The following FOXP1 variants were observed in gnomAD, a reference collection of about 807,000 sequenced individuals.
FOXP1 encodes forkhead box protein P1.
In FOXP1, 15 loss-of-function variants were observed where a neutral mutation model predicts 98.2. The ratio of observed to expected loss-of-function variants is 0.15; its 90% CI spans 0.10 to 0.24. The LOEUF (loss-of-function observed/expected upper bound fraction) is 0.24. Ranked by LOEUF, FOXP1 falls within the 10% of genes least tolerant of loss-of-function variation. The probability of loss-of-function intolerance (pLI) is 1.00; values close to 1 mark genes in which losing one functional copy is unlikely to be tolerated. For missense variants in FOXP1, 633 were observed against 848.5 expected (o/e 0.75, Z 3.15); for synonymous variants, 371 against 314.5 (o/e 1.18, Z -1.90).
At chr3:71,578,134 C>G (rs1016181359) in intron 2 of FOXP1, among the ~76,000 whole-genome samples, 1 of 151,944 alleles carries the variant, frequency 6.6e-6, no homozygotes, top group Non-Finnish European at 1.5e-5. Context: ...CTCTGGAAAC[C>G]CTTTCTCGGT....
intron 2 of FOXP1, among the ~76,000 whole-genome samples, chr3:71,521,873 A>T (rs1215327338): frequency 2.6e-5 from 4 of 152,126 alleles, no homozygotes; most frequent in Non-Finnish European, 5.9e-5. Flanking sequence ...CTGCTCATGG[A>T]AAGGCGCATT....
chr3:71,297,280 T>A (rs2073397354), intron 5 of FOXP1, among the ~76,000 whole-genome samples: 1 of 152,180 alleles, frequency 6.6e-6, no homozygotes, highest in Admixed American at 6.5e-5. Context: ...TAATATAGAC[T>A]ATTTTTCTCA....
chr3:71,582,528 C>T, intron 1 of FOXP1: 2 of 985,456 alleles, frequency 2.0e-6, no homozygotes, highest in South Asian at 4.7e-5. Context: ...GCCGCCAGGA[C>T]AGGGCCGGAG....
chr3:71,467,060 C>T (rs935696520), intron 3 of FOXP1, among the ~76,000 whole-genome samples: 1 of 152,078 alleles, frequency 6.6e-6, no homozygotes, highest in African/African-American at 2.4e-5. Context: ...GGTACTTGGG[C>T]TTTGGGCACC....
chr3:71,369,882 G>T (rs2079176969), intron 3 of FOXP1, among the ~76,000 whole-genome samples: 1 of 152,168 alleles, frequency 6.6e-6, no homozygotes, highest in Non-Finnish European at 1.5e-5. Flanking sequence ...TGAGACAAAT[G>T]AGGTTTAAGA....
chr3:71,240,153 G>C (rs2067129085), intron 5 of FOXP1, among the ~76,000 whole-genome samples: 1 of 152,224 alleles, frequency 6.6e-6, no homozygotes, highest in Non-Finnish European at 1.5e-5. Flanking sequence ...GAGTCAAACA[G>C]CTTGAACTAT....
At chr3:71,263,788 C>G (rs2568833) in intron 5 of FOXP1, among the ~76,000 whole-genome samples, 44,097 of 151,618 alleles carry the variant, frequency 0.29, 7,026 homozygotes, top group East Asian at 0.55. Flanking sequence ...CTGTCACCCA[C>G]GCTGGAGTGC....
chr3:70,979,316 A>AAAAAAAAAAAAGAAAAG (rs1553670621), intron 14 of FOXP1, among the ~76,000 whole-genome samples: 1 of 96,514 alleles, frequency 1.0e-5, no homozygotes, highest in African/African-American at 4.3e-5. Context: ...AAAAAAAAAA[A>AAAAAAAAAAAAGAAAAG]AAAAGAAAAA....
At chr3:71,067,871 G>A (rs1426393490) in intron 7 of FOXP1, among the ~76,000 whole-genome samples, 1 of 150,732 alleles carries the variant, frequency 6.6e-6, no homozygotes, top group Non-Finnish European at 1.5e-5. Flanking sequence ...AGCTGTGATC[G>A]CACCACTGCA....
chr3:71,258,031 A>G (rs1380443034), intron 5 of FOXP1, among the ~76,000 whole-genome samples: 4 of 152,180 alleles, frequency 2.6e-5, no homozygotes, highest in African/African-American at 9.7e-5. Flanking sequence ...TACTGCGCTT[A>G]ATAACATCCA....
chr3:71,432,282 T>C (rs1478603054), intron 3 of FOXP1, among the ~76,000 whole-genome samples: 4 of 152,102 alleles, frequency 2.6e-5, no homozygotes, highest in African/African-American at 7.2e-5. Flanking sequence ...ACGCAGAATA[T>C]TCCCTTTTGC....
chr3:71,159,849 A>C (rs918516331), intron 6 of FOXP1, among the ~76,000 whole-genome samples: 4 of 152,230 alleles, frequency 2.6e-5, no homozygotes, highest in Non-Finnish European at 5.9e-5. Flanking sequence ...TTTTTATGAC[A>C]ATAAACATAA....
At chr3:71,234,914 C>T (rs980491746) in intron 5 of FOXP1, among the ~76,000 whole-genome samples, 1 of 152,178 alleles carries the variant, frequency 6.6e-6, no homozygotes, top group South Asian at 2.1e-4. Context: ...AAGCACTTAA[C>T]AAGTAAGTGG....
At chr3:71,045,424 T>C (rs2048890928) in intron 10 of FOXP1, among the ~76,000 whole-genome samples, 1 of 152,118 alleles carries the variant, frequency 6.6e-6, no homozygotes, top group Admixed American at 6.6e-5. Flanking sequence ...ATGAGAGAGG[T>C]TGGAGCTCAA....
intron 5 of FOXP1, among the ~76,000 whole-genome samples, chr3:71,253,078 G>C (rs1334410284): frequency 6.6e-6 from 1 of 152,228 alleles, no homozygotes; most frequent in African/African-American, 2.4e-5. Flanking sequence ...GGCCAAGTGG[G>C]GCATGGCCTG....
At chr3:71,260,570 T>C (rs1475891465) in intron 5 of FOXP1, among the ~76,000 whole-genome samples, 2 of 150,816 alleles carry the variant, frequency 1.3e-5, no homozygotes, top group East Asian at 1.9e-4. Context: ...AGGATTTTTG[T>C]TTTTCTCTGT....
intron 2 of FOXP1, among the ~76,000 whole-genome samples, chr3:71,546,049 C>T (rs1351288538): frequency 6.6e-6 from 1 of 152,130 alleles, no homozygotes; most frequent in African/African-American, 2.4e-5. Context: ...TGCACTTGAC[C>T]CTTGTTCCAT....
intron 5 of FOXP1, among the ~76,000 whole-genome samples, chr3:71,246,714 C>T (rs1021310859): frequency 1.3e-5 from 2 of 152,144 alleles, no homozygotes; most frequent in Non-Finnish European, 2.9e-5. Flanking sequence ...ATAAATCACA[C>T]GAAACAAGTA....
intron 3 of FOXP1, among the ~76,000 whole-genome samples, chr3:71,480,562 A>G (rs947220816): frequency 1.3e-5 from 2 of 152,240 alleles, no homozygotes; most frequent in Admixed American, 6.5e-5. Context: ...AAATGTGGAC[A>G]CATCAATAAA....
Sources: gnomAD v4.1 joint callset for allele counts (sites outside exome capture counted in the v4.1 genomes callset) on GRCh38, gnomAD v4.1.1 for gene constraint, MANE v1.5 for transcripts, NCBI Gene and HGNC (gene_info 2026-07-23, HGNC 2026-07-21) for gene names.